Variants in NUP93 observed in about 807,000 individuals in gnomAD.
The protein encoded by NUP93 is nuclear pore complex protein Nup93.
In NUP93, 55 loss-of-function variants were observed where a neutral mutation model predicts 107.8. The observed-to-expected ratio is 0.51, with a 90% CI of 0.41 to 0.64. NUP93 has a LOEUF of 0.64. Ranked by LOEUF, NUP93 falls within the 30% of genes least tolerant of loss-of-function variation. The probability of loss-of-function intolerance (pLI) is 0.00; values close to 1 mark genes in which losing one functional copy is unlikely to be tolerated. For synonymous variants in NUP93, 390 were observed against 397.5 expected (o/e 0.98, Z 0.22); for missense variants, 937 against 1,044.7 (o/e 0.90, Z 1.42).
At chr16:56,748,535 C>G (rs1199891499) in intron 2 of NUP93, 109 bp downstream of exon 2, 4 of 936,624 alleles carry the variant, frequency 4.3e-6, no homozygotes, top group South Asian at 1.9e-5. Flanking sequence ...CAGCCACTAG[C>G]CAGATTCTTG....
At chr16:56,838,886 C>A in intron 18 of NUP93, 66 bp from the exon 19 acceptor site, 3 of 1,087,700 alleles carry the variant, frequency 2.8e-6, no homozygotes, top group Admixed American at 1.9e-5. Context: ...TGCTATTCCA[C>A]TGTTACGGAT....
At chr16:56,751,489 G>C (rs1467925505) in intron 2 of NUP93, among the ~76,000 whole-genome samples, 1 of 152,172 alleles carries the variant, frequency 6.6e-6, no homozygotes, top group African/African-American at 2.4e-5. Flanking sequence ...ATAGTGAGTG[G>C]CCAAGCCAGA....
At chr16:56,818,910 G>A (rs1561139) in intron 6 of NUP93, among the ~76,000 whole-genome samples, 172 bp downstream of exon 6, 3 of 152,012 alleles carry the variant, frequency 2.0e-5, no homozygotes, top group Admixed American at 6.5e-5. Context: ...ATCAAATAGG[G>A]TAATAGAATT....
chr16:56,825,926 T>C (rs1432611981), intron 8 of NUP93, among the ~76,000 whole-genome samples: 1 of 152,234 alleles, frequency 6.6e-6, no homozygotes, highest in African/African-American at 2.4e-5. Context: ...ATGCATATAA[T>C]AGTTCAAGTG....
At chr16:56,749,061 A>G (rs750910245) in intron 2 of NUP93, among the ~76,000 whole-genome samples, 5 of 152,220 alleles carry the variant, frequency 3.3e-5, no homozygotes, top group African/African-American at 7.2e-5. Flanking sequence ...GCTGCCACAC[A>G]GCATCAGTTG....
At chr16:56,807,571 C>A (rs1430486995) in intron 5 of NUP93, among the ~76,000 whole-genome samples, 1 of 152,174 alleles carries the variant, frequency 6.6e-6, no homozygotes, top group Non-Finnish European at 1.5e-5. Flanking sequence ...TTGGCTGTAG[C>A]TAACTTCGTA....
intron 12 of NUP93, among the ~76,000 whole-genome samples, chr16:56,832,691 C>T (rs922217029): frequency 7.2e-5 from 11 of 152,196 alleles, no homozygotes; most frequent in African/African-American, 2.2e-4. Context: ...GCTTCCTAGT[C>T]GATCGTACCA....
At chr16:56,811,388 A>G (rs72786721) in intron 5 of NUP93, among the ~76,000 whole-genome samples, 1 of 152,174 alleles carries the variant, frequency 6.6e-6, no homozygotes. Flanking sequence ...CTTCACATGG[A>G]CAGACACCTT....
chr16:56,731,049 T>G lies in NUP93; in HGVS notation c.-15+838T>G, dbSNP rs968595998. On this transcript the variant is annotated intron_variant, in intron 1 of 21. Coordinates refer to ENST00000308159, the MANE Select transcript of NUP93 (RefSeq NM_014669.5). ...CATCCTAGCTTTTCTTCTTTATTTT[T>G]TTTTCTTTAAATTCTCCTTTGTGCA... Among the ~76,000 whole-genome samples the G allele has an allele frequency of 7.0e-4, 106 of 152,346 alleles. 1 individual carries two copies. Among genetic ancestry groups the G allele is most frequent in the African/African-American group, 2.5e-3 (103 of 41,586 alleles).
chr16:56,843,955 G>A lies in NUP93; in HGVS notation c.2350-544G>A, dbSNP rs188445113. On this transcript the variant is annotated intron_variant, in intron 21 of 21. Coordinates refer to ENST00000308159, the MANE Select transcript of NUP93 (RefSeq NM_014669.5). The stretch of plus-strand genomic sequence containing the variant: ...TAAATACTGTTGCCTGGGGAAAGAA[G>A]GGCTAAGCATGTATGTCGGGAAGGG... 3.0e-3 allele frequency among the ~76,000 whole-genome samples: 454 copies of A among 152,292 alleles called. 1 individual carries two copies. The highest frequency in any genetic ancestry group is 9.6e-3 in the African/African-American group (397 of 41,546).
intron 2 of NUP93, among the ~76,000 whole-genome samples, chr16:56,757,241 C>CT (rs1273195835): frequency 6.6e-6 from 1 of 152,214 alleles, no homozygotes; most frequent in Non-Finnish European, 1.5e-5. Context: ...GCCAAATTCT[C>CT]TGACTACTAA....
intron 1 of NUP93, among the ~76,000 whole-genome samples, chr16:56,740,133 C>A (rs1336781451): frequency 7.6e-6 from 1 of 131,600 alleles, no homozygotes; most frequent in Non-Finnish European, 1.7e-5. Context: ...GCTGACCCCC[C>A]CACCTCCCTC....
At position 56,848,622 on chromosome 16, in the gene NUP93, C is replaced by T. The variant is rs891151869; in HGVS notation, c.*4013C>T. 44 of 152,202 alleles carry T rather than the reference C, an allele frequency of 2.9e-4. No homozygotes were observed. Among genetic ancestry groups the T allele is most frequent in the African/African-American group, 9.2e-4 (38 of 41,518 alleles). The allele number at this position is 152,202 out of a possible 1,614,324, so 9.4% of individuals were successfully genotyped here. A position where few individuals can be genotyped will look rare whatever the true frequency, so the allele number is the denominator to read the frequency against. ...AATCTTTCTGCCACTTGTTTCCAAC[C>T]GAAAAGGAAAAAAGTTAAAAATTAC... On this transcript the variant is annotated 3_prime_UTR_variant, in exon 22 of 22. Coordinates refer to ENST00000308159, the MANE Select transcript of NUP93 (RefSeq NM_014669.5).
intron 2 of NUP93, among the ~76,000 whole-genome samples, chr16:56,754,459 C>G (rs761050215): frequency 6.6e-6 from 1 of 152,232 alleles, no homozygotes; most frequent in Non-Finnish European, 1.5e-5. Context: ...CAAGGCACGT[C>G]TCTTTGCCTA....
chr16:56,800,100 T>A (rs1001713456), intron 4 of NUP93, among the ~76,000 whole-genome samples: 1 of 152,106 alleles, frequency 6.6e-6, no homozygotes, highest in South Asian at 2.1e-4. Flanking sequence ...GGAGAACCGC[T>A]TGAACCTAGG....
chr16:56,783,732 C>T, intron 3 of NUP93: 3 of 985,344 alleles, frequency 3.0e-6, no homozygotes, highest in Non-Finnish European at 3.6e-6. Flanking sequence ...AGCTGCAAGG[C>T]CATTTCATTT....
At chr16:56,740,096 C>A (rs1271177347) in intron 1 of NUP93, among the ~76,000 whole-genome samples, 2 of 126,884 alleles carry the variant, frequency 1.6e-5, no homozygotes, top group African/African-American at 3.2e-5. Context: ...ACCTCCCTCC[C>A]GGACGGGGCG....
intron 2 of NUP93, among the ~76,000 whole-genome samples, chr16:56,754,041 T>G (rs1010779447): frequency 6.6e-6 from 1 of 151,216 alleles, no homozygotes; most frequent in Non-Finnish European, 1.5e-5. Flanking sequence ...ACAGGAAGCG[T>G]GGATGGGGAG....
intron 3 of NUP93, among the ~76,000 whole-genome samples, chr16:56,775,952 A>C (rs1962408961): frequency 6.6e-6 from 1 of 152,084 alleles, no homozygotes; most frequent in South Asian, 2.1e-4. Context: ...TGCTGTTTCA[A>C]ATTCATTTTA....
Sources: gnomAD v4.1 joint callset for allele counts (sites outside exome capture counted in the v4.1 genomes callset) on GRCh38, gnomAD v4.1.1 for gene constraint, MANE v1.5 for transcripts, NCBI Gene and HGNC (gene_info 2026-07-23, HGNC 2026-07-21) for gene names.